Variants in DPP8 observed in about 807,000 individuals in gnomAD.
DPP8 encodes DPP VIII.
DPP8 carries 31 observed loss-of-function variants against 107.5 expected under a neutral mutation model. That is an observed-to-expected ratio of 0.29 (90% CI 0.22 to 0.39). The LOEUF (loss-of-function observed/expected upper bound fraction) is 0.39. Among genes scored for constraint, DPP8 ranks in the 10% least tolerant of loss-of-function variants. The pLI, the probability that DPP8 is intolerant of heterozygous loss-of-function variation, is 1.00. For missense variants in DPP8, 842 were observed against 1,076.1 expected (o/e 0.78, Z 3.04); for synonymous variants, 381 against 356.6 (o/e 1.07, Z -0.77).
At chr15:65,486,125 C>T (rs1260055946) in intron 7 of DPP8, among the ~76,000 whole-genome samples, 3 of 141,052 alleles carry the variant, frequency 2.1e-5, no homozygotes, top group South Asian at 2.3e-4. Flanking sequence ...AAAAAACGGC[C>T]GGGCGCAGTG....
intron 19 of DPP8, among the ~76,000 whole-genome samples, chr15:65,447,445 C>A (rs1222981357): frequency 2.0e-5 from 3 of 152,152 alleles, no homozygotes; most frequent in Admixed American, 2.0e-4. Context: ...TCACAGTATT[C>A]CTCACCACCA....
At position 65,490,183 on chromosome 15, in the gene DPP8, C is replaced by T. The variant is rs1197517164; in HGVS notation, c.826+6G>A. On this transcript the variant is annotated splice_donor_region_variant and intron_variant, in intron 6 of 19. Coordinates refer to ENST00000300141, the MANE Select transcript of DPP8 (RefSeq NM_130434.5). ...ACCCATAATATATTATTTTGAACCC[C>T]CTTACTTGTTTCAGCTTTTGGACAC... 2.1e-6 allele frequency: 3 copies of T among 1,446,404 alleles called. No individual in the cohort carries two copies. Among genetic ancestry groups the T allele is most frequent in the Non-Finnish European group, 2.9e-6 (3 of 1,027,504 alleles). 89.6% of individuals were successfully genotyped at this position (1,446,404 alleles called of 1,614,324 possible).
intron 2 of DPP8, among the ~76,000 whole-genome samples, chr15:65,511,586 G>A (rs1173244588): frequency 2.1e-5 from 3 of 143,816 alleles, no homozygotes; most frequent in Admixed American, 1.4e-4. Flanking sequence ...GCTGCAGTGA[G>A]CCATTAGTGT....
intron 1 of DPP8, chr15:65,516,353 G>A (rs2071435074): frequency 6.6e-6 from 1 of 151,694 alleles, no homozygotes; most frequent in African/African-American, 2.4e-5. Context: ...CCATTTTCTT[G>A]CTGCATTACT....
At chr15:65,503,079 C>T (rs1463404037) in intron 3 of DPP8, among the ~76,000 whole-genome samples, 1 of 152,020 alleles carries the variant, frequency 6.6e-6, no homozygotes, top group Admixed American at 6.6e-5. Context: ...ACACAGAATA[C>T]CCAAAACAAT....
At chr15:65,459,825 C>T (rs1000243481) in intron 15 of DPP8, among the ~76,000 whole-genome samples, 5 of 151,898 alleles carry the variant, frequency 3.3e-5, no homozygotes, top group Admixed American at 2.6e-4. Flanking sequence ...TATGGTGCTG[C>T]GCACCTGTAG....
At chr15:65,489,864 C>G (rs923330162) in intron 6 of DPP8, among the ~76,000 whole-genome samples, 1 of 152,030 alleles carries the variant, frequency 6.6e-6, no homozygotes, top group East Asian at 1.9e-4. Flanking sequence ...ATTACAGGCG[C>G]GTGCTACCAT....
At chr15:65,454,603 TGCAACCTCC>T (rs1197111171) in intron 16 of DPP8, among the ~76,000 whole-genome samples, 188 bp from the exon 17 acceptor site, 2 of 152,256 alleles carry the variant, frequency 1.3e-5, no homozygotes, top group Admixed American at 6.5e-5. Flanking sequence ...CTCGGCTCAC[TGCAACCTCC>T]GCCTGGTGGA....
At chr15:65,516,801 G>A (rs1366996788) in intron 1 of DPP8, 1 of 152,260 alleles carries the variant, frequency 6.6e-6, no homozygotes, top group African/African-American at 2.4e-5. Flanking sequence ...ACACCTAGTT[G>A]AGAGATTCAA....
At chr15:65,479,651 T>C (rs2066717408) in intron 10 of DPP8, among the ~76,000 whole-genome samples, 1 of 151,736 alleles carries the variant, frequency 6.6e-6, no homozygotes, top group Non-Finnish European at 1.5e-5. Context: ...GAGACCATCC[T>C]GGCTAACAAG....
chr15:65,461,137 T>C lies in DPP8; in HGVS notation c.1971+2624A>G, dbSNP rs1000844081. On this transcript the variant is annotated intron_variant, in intron 15 of 19. Coordinates refer to ENST00000300141, the MANE Select transcript of DPP8 (RefSeq NM_130434.5). ...GCCTCTTTAAACTTAATTACTCATA[T>C]AAGGAATCCTTTAAATCTTTTTCTT... Among the ~76,000 whole-genome samples the C allele has an allele frequency of 2.0e-5, 3 of 152,178 alleles. No individual in the cohort carries two copies. The East Asian group carries it at 5.8e-4, about 29-fold the overall frequency.
intron 5 of DPP8, among the ~76,000 whole-genome samples, chr15:65,493,026 G>T (rs965457960): frequency 6.6e-6 from 1 of 151,926 alleles, no homozygotes; most frequent in Non-Finnish European, 1.5e-5. Flanking sequence ...AGAAATATTT[G>T]GAATTCAGAA....
In DPP8 at chr15:65,497,897, T is replaced by C; in HGVS notation, c.682A>G (p.Arg228Gly). The change falls in exon 5 of 20, where the codon AGA becomes GGA. Residue 228 changes from arginine (R) to glycine (G), a missense_variant. Around this residue, in one of 2 missense-constraint regions of DPP8, gnomAD observed 663 missense variants for 758.0 expected, o/e 0.87. Coordinates refer to ENST00000300141, the MANE Select transcript of DPP8 (RefSeq NM_130434.5). ...ACATAAGTGAGTCTCCTTTCTTCTC[T>C]GGTTACGATGTTAGATATCCAAATA... ...NDIWISNIVT[R>G]EERRLTYVHN... The C allele has an allele frequency of 3.2e-6, 5 of 1,582,410 alleles. No individual in the cohort carries two copies. Among genetic ancestry groups the C allele is most frequent in the Non-Finnish European group, 4.3e-6 (5 of 1,160,334 alleles).
At chr15:65,480,486 A>T (rs1219048253) in intron 9 of DPP8, 87 bp from the exon 10 acceptor site, 2 of 874,628 alleles carry the variant, frequency 2.3e-6, no homozygotes, top group African/African-American at 1.7e-5. Flanking sequence ...GCACCTATCA[A>T]TTATATCTGT....
intron 12 of DPP8, among the ~76,000 whole-genome samples, chr15:65,467,631 G>C (rs960154213): frequency 6.6e-6 from 1 of 152,128 alleles, no homozygotes; most frequent in Non-Finnish European, 1.5e-5. Flanking sequence ...TCCTGCCTCA[G>C]CCTCCCGAAG....
At chr15:65,500,872 T>TC (rs2069149391) in intron 3 of DPP8, 93 bp from the exon 4 acceptor site, 1 of 512,104 alleles carries the variant, frequency 2.0e-6, no homozygotes, top group African/African-American at 2.0e-5. Flanking sequence ...CATTATTGAC[T>TC]CTTTTTTTTT....
chr15:65,480,219 T>C lies in DPP8; in HGVS notation c.1296+3A>G. The C allele has an allele frequency of 6.2e-7, 1 of 1,601,282 alleles. No homozygotes were observed. The highest frequency in any genetic ancestry group is 8.5e-7 in the Non-Finnish European group (1 of 1,173,182). On this transcript the variant is annotated splice_donor_region_variant and intron_variant, in intron 10 of 19. Transcript: ENST00000300141. The stretch of plus-strand genomic sequence containing the variant: ...TTAAACAAATACAGGAAAAAATGCA[T>C]ACATTTATCCAGATGTCTGTTGTTT...
At position 65,454,326 on chromosome 15, in the gene DPP8, G is replaced by A. The variant is rs137906177; in HGVS notation, c.2208C>T (p.His736=). ...DFIDLDRVGI[H]GWSYGGYLSL... Reference sequence around the variant, plus strand: ...AGAGGTATCCTCCATAGGACCAGCCGTGGATGCCCACACGATCTAAGTCAA... The same window carrying A: ...AGAGGTATCCTCCATAGGACCAGCCATGGATGCCCACACGATCTAAGTCAA... Residue 736 remains histidine, a synonymous_variant, in exon 17 of 20, where the codon CAC becomes CAT. Coordinates refer to ENST00000300141, the MANE Select transcript of DPP8 (RefSeq NM_130434.5). The A allele has an allele frequency of 5.6e-6, 9 of 1,603,802 alleles. No homozygotes were observed. The highest frequency in any genetic ancestry group is 5.4e-5 in the African/African-American group (4 of 74,146).
chr15:65,456,422 C>T (rs756600216), intron 15 of DPP8, 51 bp from the exon 16 acceptor site: 3 of 1,551,894 alleles, frequency 1.9e-6, no homozygotes, highest in Non-Finnish European at 2.6e-6. Flanking sequence ...TATAAAAACC[C>T]AAGAGCGGCT....
Sources: gnomAD v4.1 joint callset for allele counts (sites outside exome capture counted in the v4.1 genomes callset) on GRCh38, gnomAD v4.1.1 for gene constraint, gnomAD v4.1.1 regional missense constraint, MANE v1.5 for transcripts, NCBI Gene and HGNC (gene_info 2026-07-23, HGNC 2026-07-21) for gene names.